The following ATP2A2 variants were observed in gnomAD, a reference collection of about 807,000 sequenced individuals.
The protein encoded by ATP2A2 is ATPase sarcoplasmic/endoplasmic reticulum Ca2+ transporting 2.
Under a neutral mutation model 109.3 loss-of-function variants are expected in ATP2A2, and 14 were observed. The ratio of observed to expected loss-of-function variants is 0.13; its 90% CI spans 0.08 to 0.20. The LOEUF is 0.20. Among genes scored for constraint, ATP2A2 ranks in the 10% least tolerant of loss-of-function variants. The probability of loss-of-function intolerance (pLI) is 1.00; values close to 1 mark genes in which losing one functional copy is unlikely to be tolerated. For missense variants in ATP2A2, 657 were observed against 1,321.6 expected (o/e 0.50, Z 7.80); for synonymous variants, 506 against 490.9 (o/e 1.03, Z -0.41).
intron 5 of ATP2A2, among the ~76,000 whole-genome samples, chr12:110,322,209 C>T (rs929442565): frequency 4.6e-5 from 7 of 152,078 alleles, no homozygotes; most frequent in Middle Eastern, 3.2e-3. Flanking sequence ...TTTCTTTATA[C>T]CATTGGAAGT....
Position 110,346,576 on chromosome 12 carries a change from G to T in ATP2A2, c.*106G>T. 2 of 1,548,874 alleles carry T rather than the reference G, an allele frequency of 1.3e-6. No individual in the cohort carries two copies. The highest frequency in any genetic ancestry group is 8.7e-7 in the Non-Finnish European group (1 of 1,152,712). The stretch of plus-strand genomic sequence containing the variant: ...AATTTTCACATGAACATACTGGCTG[G>T]TGATGGAGGTTTCATACTCTAGATT... On this transcript the variant is annotated 3_prime_UTR_variant, in exon 20 of 20. Transcript: ENST00000539276.
intron 1 of ATP2A2, 64 bp from the exon 2 acceptor site, chr12:110,282,540 C>T: frequency 3.9e-6 from 6 of 1,552,026 alleles, no homozygotes; most frequent in Non-Finnish European, 5.3e-6. Context: ...GCTAAAATGT[C>T]TCTCTCTTTT....
chr12:110,304,814 CTG>C (rs1439932688), intron 5 of ATP2A2, among the ~76,000 whole-genome samples: 3 of 152,256 alleles, frequency 2.0e-5, no homozygotes, highest in Non-Finnish European at 4.4e-5. Flanking sequence ...GTCTAAGAAA[CTG>C]TTGCCAATTG....
rs569030000 is a variant in ATP2A2, at chr12:110,292,656, A to T, written c.324+532A>T. ...CTCATTCTTCGCCAAGTGTGGTGGC[A>T]CCAGCCTGTAGTCTCAGCTACTCAG... On this transcript the variant is annotated intron_variant, in intron 4 of 19. Transcript: ENST00000539276. Among the ~76,000 whole-genome samples, 3 of 152,264 alleles carry T rather than the reference A, an allele frequency of 2.0e-5. No individual in the cohort carries two copies. The South Asian group carries it at 6.2e-4, about 32-fold the overall frequency.
chr12:110,284,550 A>G (rs1329584024), intron 3 of ATP2A2, among the ~76,000 whole-genome samples: 1 of 152,118 alleles, frequency 6.6e-6, no homozygotes, highest in African/African-American at 2.4e-5. Context: ...TTTTAAATTA[A>G]TGATGTGTGT....
At position 110,323,014 on chromosome 12, in the gene ATP2A2, T is replaced by C; in HGVS notation, c.486T>C (p.Asp162=). Reference sequence around the variant, plus strand: ...TAGTTGGTGACAAAGTTCCTGCTGATATAAGGTTAACTTCCATCAAATCTA... The same window carrying C: ...TAGTTGGTGACAAAGTTCCTGCTGACATAAGGTTAACTTCCATCAAATCTA... ...EIAVGDKVPA[D]IRLTSIKSTT... is the part of the protein sequence containing the mutation. The change falls in exon 6 of 20, where the codon GAT becomes GAC. Residue 162 remains aspartate, a synonymous_variant. Coordinates refer to ENST00000539276, the MANE Select transcript of ATP2A2 (RefSeq NM_170665.4). The C allele has an allele frequency of 6.2e-7, 1 of 1,613,456 alleles. No homozygotes were observed. The highest frequency in any genetic ancestry group is 8.5e-7 in the Non-Finnish European group (1 of 1,179,370).
Position 110,348,453 on chromosome 12 carries a change from G to T in ATP2A2, c.*1983G>T, listed in dbSNP as rs759861652. 1.0e-6 allele frequency: 1 copy of T among 985,560 alleles called. No homozygotes were observed. The highest frequency in any genetic ancestry group is 1.2e-6 in the Non-Finnish European group (1 of 830,044). 61.1% of individuals were successfully genotyped at this position (985,560 alleles called of 1,614,324 possible). On this transcript the variant is annotated 3_prime_UTR_variant, in exon 20 of 20. Transcript: ENST00000539276. ...CTGGTTACTGGGATGGCCAGTAGAT[G>T]TAATGCAGATGGTTGGAGTTTGGGG...
In ATP2A2 at chr12:110,346,374, C is replaced by T. The variant is rs201406511; in HGVS notation, c.3033C>T (p.Thr1011=). The T allele has an allele frequency of 1.0e-4, 164 of 1,614,070 alleles. No individual in the cohort carries two copies. The highest frequency in any genetic ancestry group is 2.7e-4 in the East Asian group (12 of 44,888). ...AATCCTGCTCGTTCTCGGCATGCAC[C>T]GATGGGATTTCCTGGCCGTTTGTGC... ...ATKSCSFSAC[T]DGISWPFVLL... The change falls in exon 20 of 20, where the codon ACC becomes ACT. Residue 1011 remains threonine, a synonymous_variant. Transcript: ENST00000539276.
intron 5 of ATP2A2, among the ~76,000 whole-genome samples, chr12:110,304,288 C>T (rs974968156): frequency 2.0e-5 from 3 of 152,148 alleles, no homozygotes; most frequent in African/African-American, 7.2e-5. Context: ...CATTTTCTCT[C>T]TGTTAGGTAT....
chr12:110,345,959 T>G (rs1219271307), intron 18 of ATP2A2, 42 bp from the exon 19 acceptor site: 5 of 1,594,860 alleles, frequency 3.1e-6, no homozygotes, highest in East Asian at 4.5e-5. Flanking sequence ...GACACGTGCC[T>G]TGCCTTGGGG....
chr12:110,350,041 TCCAGAGCCTTTATTCTGTAG>T lies in ATP2A2; in HGVS notation c.*3577_*3596del. 3 of 1,409,198 alleles carry T rather than the reference TCCAGAGCCTTTATTCTGTAG, an allele frequency of 2.1e-6. No individual in the cohort carries two copies. Among genetic ancestry groups the T allele is most frequent in the Non-Finnish European group, 2.8e-6 (3 of 1,085,338 alleles). 87.3% of individuals were successfully genotyped at this position (1,409,198 alleles called of 1,614,324 possible). On this transcript the variant is annotated 3_prime_UTR_variant, in exon 20 of 20. Transcript: ENST00000539276. ...TTGTGTCTGCCTCATGGGGTTTTCC[TCCAGAGCCTTTATTCTGTAG>T]CCAGACGACACGAGGAGTCTGTGTC...
At chr12:110,322,901 C>T in intron 5 of ATP2A2, 91 bp from the exon 6 acceptor site, 1 of 962,938 alleles carries the variant, frequency 1.0e-6, no homozygotes, top group Non-Finnish European at 1.7e-6. Context: ...CATTTATTTT[C>T]TTTAAAAATT....
At chr12:110,345,198 G>T (rs771541016) in intron 17 of ATP2A2, 51 bp from the exon 18 acceptor site, 4 of 1,613,880 alleles carry the variant, frequency 2.5e-6, no homozygotes, top group Non-Finnish European at 3.4e-6. Context: ...TTGGAGCCTG[G>T]ACTTGGGAAA....
chr12:110,346,331 G>A lies in ATP2A2; in HGVS notation c.2990G>A (p.Cys997Tyr). ...ARNYLEPGKE[C>Y]VQPATKSCSF... ...AACTACCTGGAACCTGGTAAAGAGT[G>A]TGTGCAGCCTGCCACCAAATCCTGC... is the stretch of plus-strand genomic sequence containing the variant. The change falls in exon 20 of 20, where the codon TGT (cysteine) becomes TAT (tyrosine). Residue 997 changes from cysteine (C) to tyrosine (Y), a missense_variant. Cys to Tyr is a radical substitution (Grantham distance 194). Coordinates refer to ENST00000539276, the MANE Select transcript of ATP2A2 (RefSeq NM_170665.4). 6.2e-7 allele frequency: 1 copy of A among 1,614,200 alleles called. No individual in the cohort carries two copies. The highest frequency in any genetic ancestry group is 1.1e-5 in the South Asian group (1 of 91,082).
Position 110,346,982 on chromosome 12 carries a change from G to T in ATP2A2, c.*512G>T. 2 of 1,098,820 alleles carry T rather than the reference G, an allele frequency of 1.8e-6. No individual in the cohort carries two copies. Among genetic ancestry groups the T allele is most frequent in the Non-Finnish European group, 2.2e-6 (2 of 898,542 alleles). 68.1% of individuals were successfully genotyped at this position (1,098,820 alleles called of 1,614,324 possible). ...TTGCTACCTCAGTCAGTATTGTTTTGGTTTGCTACTTCCCTCACCCACTTT... is the reference window on the plus strand; with the variant it reads ...TTGCTACCTCAGTCAGTATTGTTTTTGTTTGCTACTTCCCTCACCCACTTT... On this transcript the variant is annotated 3_prime_UTR_variant, in exon 20 of 20. Transcript: ENST00000539276.
At chr12:110,296,515 G>C in intron 4 of ATP2A2, 84 bp from the exon 5 acceptor site, 15 of 1,554,814 alleles carry the variant, frequency 9.6e-6, no homozygotes, top group Non-Finnish European at 1.3e-5. Context: ...TTAAAGATTA[G>C]ACCTCTAACA....
At chr12:110,311,731 TTA>T (rs1876095105) in intron 5 of ATP2A2, among the ~76,000 whole-genome samples, 1 of 127,712 alleles carries the variant, frequency 7.8e-6, no homozygotes, top group African/African-American at 3.4e-5. Context: ...AGAGAATTGT[TTA>T]AAAAAAAAAA....
intron 5 of ATP2A2, among the ~76,000 whole-genome samples, chr12:110,312,967 C>T (rs576504786): frequency 1.3e-4 from 19 of 151,714 alleles, no homozygotes; most frequent in Non-Finnish European, 8.8e-5. Context: ...CTCTAGAAAA[C>T]GGATAAGCAG....
chr12:110,299,513 G>T (rs544574133), intron 5 of ATP2A2, among the ~76,000 whole-genome samples: 7 of 152,260 alleles, frequency 4.6e-5, no homozygotes, highest in East Asian at 3.9e-4. Context: ...AAAAGTTTTT[G>T]GCAGGTCTCA....
Sources: allele counts gnomAD v4.1 joint callset (sites outside exome capture counted in the v4.1 genomes callset), GRCh38; gene constraint gnomAD v4.1.1; transcripts MANE v1.5; gene names NCBI Gene and HGNC (gene_info 2026-07-23, HGNC 2026-07-21).